PCDH7: variants seen among roughly 807,000 people sequenced by gnomAD.
PCDH7 encodes protocadherin-7.
Under a neutral mutation model 58.9 loss-of-function variants are expected in PCDH7, and 17 were observed. The observed-to-expected ratio is 0.29, with a 90% confidence interval of 0.20 to 0.43. The LOEUF (loss-of-function observed/expected upper bound fraction) is 0.43, where lower values mean the gene tolerates loss of function less well. PCDH7 is among the 20% of genes least tolerant of loss of function. PCDH7 has a pLI of 1.00. For synonymous variants in PCDH7, 664 were observed against 616.4 expected (o/e 1.08, Z -1.14); for missense variants, 1,274 against 1,441.0 (o/e 0.88, Z 1.88).
intron 1 of PCDH7, among the ~76,000 whole-genome samples, chr4:30,811,225 G>A (rs750201286): frequency 2.0e-5 from 3 of 152,198 alleles, no homozygotes; most frequent in Non-Finnish European, 2.9e-5. Flanking sequence ...AGTGGCACTT[G>A]ATAGGAGTTG....
chr4:30,820,147 G>A (rs1728200001), intron 1 of PCDH7, among the ~76,000 whole-genome samples: 1 of 151,826 alleles, frequency 6.6e-6, no homozygotes, highest in South Asian at 2.1e-4. Flanking sequence ...ACAGAATACA[G>A]GAAAAGAGAG....
chr4:31,070,250 G>T (rs892662339), intron 3 of PCDH7, among the ~76,000 whole-genome samples: 3 of 151,868 alleles, frequency 2.0e-5, no homozygotes, highest in Admixed American at 2.0e-4. Context: ...AGGATTTATC[G>T]ATTGACAAAT....
intron 1 of PCDH7, among the ~76,000 whole-genome samples, chr4:30,899,173 GT>G (rs540310291): frequency 6.6e-6 from 1 of 152,006 alleles, no homozygotes. Flanking sequence ...CTGCCCCAGG[GT>G]TTTTTTACGC....
At chr4:30,952,056 C>T (rs1443308390) in intron 3 of PCDH7, among the ~76,000 whole-genome samples, 1 of 152,126 alleles carries the variant, frequency 6.6e-6, no homozygotes, top group Non-Finnish European at 1.5e-5. Flanking sequence ...TTTTTATTCC[C>T]TACTTAGCTT....
chr4:31,082,683 C>T (rs558129038), intron 3 of PCDH7, among the ~76,000 whole-genome samples: 64 of 150,582 alleles, frequency 4.3e-4, no homozygotes, highest in African/African-American at 1.5e-3. Context: ...AAGTGAAAAA[C>T]CAAAACCTGT....
intron 3 of PCDH7, among the ~76,000 whole-genome samples, chr4:31,068,336 G>T (rs187914048): frequency 3.3e-5 from 5 of 151,446 alleles, no homozygotes; most frequent in Admixed American, 3.3e-4. Context: ...AAAAAAGAGA[G>T]AAAATAGAAA....
chr4:30,938,216 C>T (rs1384946341), intron 2 of PCDH7, among the ~76,000 whole-genome samples: 4 of 151,992 alleles, frequency 2.6e-5, no homozygotes, highest in East Asian at 3.9e-4. Flanking sequence ...TCTTTCTAAA[C>T]GAAGTTTACT....
Position 30,722,053 on chromosome 4 carries a change from G to A in PCDH7, c.631G>A (p.Gly211Arg), listed in dbSNP as rs1247571765. 4.8e-6 allele frequency: 6 copies of A among 1,238,344 alleles called. No individual in the cohort carries two copies. The highest frequency in any genetic ancestry group is 3.8e-5 in the South Asian group (1 of 26,584). The allele number at this position is 1,238,344 out of a possible 1,614,324, so 76.7% of individuals were successfully genotyped here. ...CAGCGCCCCCTACCCCGGGGGCGGC[G>A]GGAACGGCGCGAGCGGCGGCGGCTC... The change falls in exon 1 of 2, where the codon GGG becomes AGG. Residue 211 changes from glycine to arginine, a missense_variant. Transcript: ENST00000361762. This position sits in a 1 kb window ranked among gnomAD's most constrained non-coding sequence, Gnocchi z 7.6.
chr4:30,759,562 T>G (rs1719763510), intron 1 of PCDH7, among the ~76,000 whole-genome samples: 1 of 152,160 alleles, frequency 6.6e-6, no homozygotes, highest in African/African-American at 2.4e-5. Flanking sequence ...AAGTTGAATA[T>G]TAAGTTATTG....
chr4:31,085,856 T>C (rs1182012363), intron 3 of PCDH7, among the ~76,000 whole-genome samples: 2 of 151,188 alleles, frequency 1.3e-5, no homozygotes, highest in East Asian at 3.9e-4. Flanking sequence ...TCTCTCTCTT[T>C]TTTTTTTTTT....
intron 1 of PCDH7, among the ~76,000 whole-genome samples, chr4:30,849,942 A>G (rs986600468): frequency 5.3e-5 from 8 of 152,074 alleles, no homozygotes; most frequent in African/African-American, 1.7e-4. Context: ...CAGGACCCCA[A>G]TCTTTGTTTA....
chr4:31,041,976 G>A (rs1755903388), intron 3 of PCDH7, among the ~76,000 whole-genome samples: 1 of 152,122 alleles, frequency 6.6e-6, no homozygotes, highest in African/African-American at 2.4e-5. Context: ...AGCAATGGGA[G>A]TAGGAAAGCT....
At chr4:30,899,849 G>A (rs185264620) in intron 1 of PCDH7, among the ~76,000 whole-genome samples, 6 of 152,056 alleles carry the variant, frequency 3.9e-5, no homozygotes, top group Non-Finnish European at 8.8e-5. Context: ...ATAAGGGGTG[G>A]ACCTGACTCC....
chr4:31,007,893 T>C (rs1180052617), intron 3 of PCDH7, among the ~76,000 whole-genome samples: 2 of 152,182 alleles, frequency 1.3e-5, no homozygotes, highest in Admixed American at 1.3e-4. Context: ...GAATCAGCTT[T>C]CTTTTCTTTT....
chr4:30,775,304 T>C (rs1721913249), intron 1 of PCDH7, among the ~76,000 whole-genome samples: 1 of 152,180 alleles, frequency 6.6e-6, no homozygotes, highest in African/African-American at 2.4e-5. Context: ...AAGATTAATT[T>C]CAGCAAGCAT....
At chr4:30,883,897 G>T (rs1007599223) in intron 1 of PCDH7, among the ~76,000 whole-genome samples, 9 of 152,184 alleles carry the variant, frequency 5.9e-5, no homozygotes, top group African/African-American at 2.2e-4. Flanking sequence ...TTCTTGTGGA[G>T]TTGAAGTGAA....
chr4:30,946,933 A>G (rs555253533), intron 2 of PCDH7, among the ~76,000 whole-genome samples: 1 of 152,056 alleles, frequency 6.6e-6, no homozygotes, highest in South Asian at 2.1e-4. Flanking sequence ...ACTGTTCTCA[A>G]ACTCCTGACC....
chr4:30,798,758 C>G (rs1725125443), intron 1 of PCDH7, among the ~76,000 whole-genome samples: 1 of 152,198 alleles, frequency 6.6e-6, no homozygotes, highest in African/African-American at 2.4e-5. Flanking sequence ...AGAACCATCA[C>G]TAACGAATCC....
chr4:31,129,377 G>C (rs1718689479), intron 3 of PCDH7, among the ~76,000 whole-genome samples: 1 of 152,040 alleles, frequency 6.6e-6, no homozygotes, highest in Non-Finnish European at 1.5e-5. Context: ...AACAAGTCAA[G>C]GAATAGCAGA....
Sources: gnomAD v4.1 joint callset for allele counts (sites outside exome capture counted in the v4.1 genomes callset) on GRCh38, gnomAD v4.1.1 for gene constraint, Gnocchi (gnomAD v3.1) non-coding constraint, MANE v1.5 for transcripts, NCBI Gene and HGNC (gene_info 2026-07-23, HGNC 2026-07-21) for gene names.